NUCB2: variants seen among roughly 807,000 people sequenced by gnomAD.
The protein encoded by NUCB2 is nucleobindin 2, also known as nucleobindin-2.
NUCB2 carries 48 observed loss-of-function variants against 57.9 expected under a neutral mutation model. That is an observed-to-expected ratio of 0.83 (90% CI 0.66 to 1.05). The LOEUF (loss-of-function observed/expected upper bound fraction) is 1.05, where lower values mean the gene tolerates loss of function less well. NUCB2 is among the 50% of genes least tolerant of loss of function. The probability of loss-of-function intolerance (pLI) is 0.00; values close to 1 mark genes in which losing one functional copy is unlikely to be tolerated. For missense variants in NUCB2, 442 were observed against 476.2 expected (o/e 0.93, Z 0.67); for synonymous variants, 139 against 152.1 (o/e 0.91, Z 0.64).
chr11:17,301,738 T>A lies in NUCB2; in HGVS notation c.253-6T>A, dbSNP rs781365887. ...GATAAAACTAACTTACTAATTTTGT[T>A]AACAGAGTGGGAGGCTAAGCAAAGA... On this transcript the variant is annotated splice_region_variant and splice_polypyrimidine_tract_variant and intron_variant, in intron 4 of 13. Transcript: ENST00000529010. 6 of 1,603,410 alleles carry A rather than the reference T, an allele frequency of 3.7e-6. No individual in the cohort carries two copies. The highest frequency in any genetic ancestry group is 1.3e-5 in the African/African-American group (1 of 74,650).
At chr11:17,301,987 C>A in intron 5 of NUCB2, 117 bp downstream of exon 5, 2 of 768,308 alleles carry the variant, frequency 2.6e-6, no homozygotes, top group Non-Finnish European at 2.0e-6. Context: ...ACAGCCTTGA[C>A]CACCTGGGCT....
At chr11:17,299,544 C>A (rs953208272) in intron 4 of NUCB2, among the ~76,000 whole-genome samples, 1 of 152,090 alleles carries the variant, frequency 6.6e-6, no homozygotes, top group African/African-American at 2.4e-5. Context: ...TATAGAGGCC[C>A]ACTGACTTTT....
At chr11:17,312,242 G>GTT (rs953833620) in intron 10 of NUCB2, 122 bp downstream of exon 10, 81 of 550,230 alleles carry the variant, frequency 1.5e-4, no homozygotes, top group East Asian at 1.7e-4. Context: ...TTTTGTTTTT[G>GTT]TTTTTTTTTT....
intron 11 of NUCB2, among the ~76,000 whole-genome samples, chr11:17,327,357 C>T (rs770519594): frequency 2.6e-5 from 4 of 152,116 alleles, no homozygotes; most frequent in African/African-American, 4.8e-5. Context: ...CACTACGCCT[C>T]GCCAGGATCC....
At chr11:17,337,044 A>G (rs1398931548), downstream of NUCB2, among the ~76,000 whole-genome samples, 1 of 152,032 alleles carries the variant, frequency 6.6e-6, no homozygotes, top group Admixed American at 6.6e-5. Flanking sequence ...GGGCTCAAGC[A>G]ATCCTCCTGT....
intron 2 of NUCB2, chr11:17,337,621 T>G (rs749813492): frequency 6.6e-6 from 1 of 152,128 alleles, no homozygotes; most frequent in Non-Finnish European, 1.5e-5. Flanking sequence ...TTGAAGGAAA[T>G]CAGACCTTTC....
At chr11:17,344,010 G>C (rs1952512640) in intron 2 of NUCB2, among the ~76,000 whole-genome samples, 1 of 152,114 alleles carries the variant, frequency 6.6e-6, no homozygotes, top group African/African-American at 2.4e-5. Context: ...TTTTTCTAGA[G>C]CTAGTTAGGC....
Position 17,312,028 on chromosome 11 carries a change from T to C in NUCB2, c.820T>C (p.Leu274=), listed in dbSNP as rs1414756249. 7 of 1,573,162 alleles carry C rather than the reference T, an allele frequency of 4.4e-6. No individual in the cohort carries two copies. Among genetic ancestry groups the C allele is most frequent in the Non-Finnish European group, 6.0e-6 (7 of 1,162,292 alleles). The change falls in exon 10 of 14, where the codon TTG becomes CTG. Residue 274 remains leucine, a splice_region_variant and synonymous_variant. Coordinates refer to ENST00000529010, the MANE Select transcript of NUCB2 (RefSeq NM_005013.4). ...QELEALFTKE[L]EKVYDPKNEE... Reference sequence around the variant, plus strand: ...GTTCATTTAAAATTTTTCTTTTTAGTTGGAGAAAGTATATGACCCTAAAAA... The same window carrying C: ...GTTCATTTAAAATTTTTCTTTTTAGCTGGAGAAAGTATATGACCCTAAAAA...
At chr11:17,299,522 A>G (rs1316812000) in intron 4 of NUCB2, among the ~76,000 whole-genome samples, 1 of 152,184 alleles carries the variant, frequency 6.6e-6, no homozygotes, top group Non-Finnish European at 1.5e-5. Flanking sequence ...TATATATGGA[A>G]TGACTAATGC....
intron 11 of NUCB2, among the ~76,000 whole-genome samples, chr11:17,326,375 T>C (rs1012595743): frequency 1.4e-5 from 2 of 141,248 alleles, no homozygotes; most frequent in African/African-American, 5.1e-5. Context: ...TGGAGTGTAA[T>C]GGTGCAATCT....
chr11:17,320,692 G>A (rs960320473), intron 11 of NUCB2, among the ~76,000 whole-genome samples: 22 of 152,068 alleles, frequency 1.4e-4, no homozygotes, highest in Non-Finnish European at 2.1e-4. Context: ...TATTTTTAAG[G>A]TGAGGGCATA....
At chr11:17,292,302 T>G (rs988434744) in intron 2 of NUCB2, among the ~76,000 whole-genome samples, 1 of 152,210 alleles carries the variant, frequency 6.6e-6, no homozygotes. Flanking sequence ...AAACCCACTT[T>G]CTATTTCTCC....
chr11:17,334,907 C>T (rs1951682319), downstream of NUCB2, among the ~76,000 whole-genome samples: 1 of 150,254 alleles, frequency 6.7e-6, no homozygotes, highest in Non-Finnish European at 1.5e-5. Flanking sequence ...AAAAAGGCTA[C>T]CCTAGCACCT....
At chr11:17,341,192 C>T (rs1410586368) in intron 2 of NUCB2, among the ~76,000 whole-genome samples, 4 of 152,108 alleles carry the variant, frequency 2.6e-5, no homozygotes, top group Admixed American at 1.3e-4. Context: ...CTGAAGTTGC[C>T]TATCAGCTTA....
intron 2 of NUCB2, among the ~76,000 whole-genome samples, chr11:17,348,986 G>A (rs1440026709): frequency 1.3e-5 from 2 of 151,864 alleles, no homozygotes; most frequent in Non-Finnish European, 2.9e-5. Context: ...CACCATGTTG[G>A]CCAGGCTGGT....
chr11:17,326,616 G>A (rs573329939), intron 11 of NUCB2, among the ~76,000 whole-genome samples: 148 of 152,278 alleles, frequency 9.7e-4, no homozygotes, highest in African/African-American at 3.5e-3. Context: ...ACCGCACCTG[G>A]CTGTACTTTT....
chr11:17,318,587 A>G (rs780863134), intron 11 of NUCB2, among the ~76,000 whole-genome samples: 11 of 152,060 alleles, frequency 7.2e-5, no homozygotes, highest in Non-Finnish European at 1.6e-4. Context: ...TTTTAAGGCT[A>G]TTTTTAAGGC....
chr11:17,313,393 G>T, intron 10 of NUCB2, among the ~76,000 whole-genome samples: 1 of 151,970 alleles, frequency 6.6e-6, no homozygotes, highest in Non-Finnish European at 1.5e-5. Flanking sequence ...AGCTGGGTGT[G>T]GTAGTGCATA....
intron 2 of NUCB2, among the ~76,000 whole-genome samples, chr11:17,283,179 T>C (rs1269886316): frequency 6.6e-6 from 1 of 152,210 alleles, no homozygotes; most frequent in Non-Finnish European, 1.5e-5. Flanking sequence ...CCCTAAGACA[T>C]TCTTGTAGTA....
Sources: allele counts gnomAD v4.1 joint callset (sites outside exome capture counted in the v4.1 genomes callset), GRCh38; gene constraint gnomAD v4.1.1; transcripts MANE v1.5; gene names NCBI Gene and HGNC (gene_info 2026-07-23, HGNC 2026-07-21).